Variants in ARAP2 observed in about 807,000 individuals in gnomAD.
The protein encoded by ARAP2 is ArfGAP with RhoGAP domain, ankyrin repeat and PH domain 2.
In ARAP2, 148 loss-of-function variants were observed where a neutral mutation model predicts 194.5. The ratio of observed to expected loss-of-function variants is 0.76; its 90% CI spans 0.67 to 0.87. The LOEUF is 0.87. ARAP2 is among the 40% of genes least tolerant of loss of function. The pLI is 0.00. For missense variants in ARAP2, 2,128 were observed against 1,989.7 expected (o/e 1.07, Z -1.32); for synonymous variants, 695 against 683.5 (o/e 1.02, Z -0.26).
chr4:36,243,130 T>C (rs933570406), intron 1 of ARAP2, among the ~76,000 whole-genome samples: 1 of 152,090 alleles, frequency 6.6e-6, no homozygotes, highest in African/African-American at 2.4e-5. Context: ...TCTCTTTTTT[T>C]CCTTAAAAAA....
chr4:36,040,757 T>C (rs1354225404), intron 5 of ARAP2, among the ~76,000 whole-genome samples: 1 of 152,216 alleles, frequency 6.6e-6, no homozygotes, highest in Admixed American at 6.5e-5. Flanking sequence ...ACGGGGTTTC[T>C]AGATAGGAAA....
intron 21 of ARAP2, among the ~76,000 whole-genome samples, chr4:36,127,687 G>C (rs538880897): frequency 1.3e-5 from 2 of 151,930 alleles, no homozygotes; most frequent in Non-Finnish European, 2.9e-5. Flanking sequence ...TCAAAAGTAA[G>C]TTTTAAAACC....
intron 1 of ARAP2, among the ~76,000 whole-genome samples, chr4:36,231,537 A>C (rs1206309774): frequency 2.0e-5 from 3 of 152,202 alleles, no homozygotes; most frequent in African/African-American, 7.2e-5. Context: ...TAATGTATTC[A>C]GCCACTTTAG....
At chr4:36,032,307 C>G (rs528103664) in intron 5 of ARAP2, among the ~76,000 whole-genome samples, 3 of 152,282 alleles carry the variant, frequency 2.0e-5, no homozygotes, top group African/African-American at 4.8e-5. Context: ...AGGCCAAGGT[C>G]AAGGCCTAGT....
intron 5 of ARAP2, among the ~76,000 whole-genome samples, chr4:36,039,321 C>T (rs1365373452): frequency 2.0e-5 from 3 of 152,198 alleles, no homozygotes; most frequent in African/African-American, 2.4e-5. Context: ...TACATCTCTT[C>T]CACATTCTGC....
intron 6 of ARAP2, among the ~76,000 whole-genome samples, chr4:36,203,212 T>G (rs983384544): frequency 3.3e-5 from 5 of 152,146 alleles, no homozygotes; most frequent in African/African-American, 1.2e-4. Flanking sequence ...CATGGCTATA[T>G]TAAAGCAGAG....
At chr4:36,145,338 TACACA>T in intron 19 of ARAP2, among the ~76,000 whole-genome samples, 1 of 152,170 alleles carries the variant, frequency 6.6e-6, no homozygotes, top group East Asian at 1.9e-4. Context: ...CATGGAATAC[TACACA>T]ACCATAAATA....
At chr4:36,161,271 A>G (rs542889991) in intron 12 of ARAP2, among the ~76,000 whole-genome samples, 194 bp downstream of exon 12, 1 of 152,234 alleles carries the variant, frequency 6.6e-6, no homozygotes, top group Admixed American at 6.5e-5. Context: ...TTTTAAAATA[A>G]CTATCTCATT....
chr4:36,169,242 G>T (rs1399091152), intron 9 of ARAP2, among the ~76,000 whole-genome samples: 1 of 152,192 alleles, frequency 6.6e-6, no homozygotes, highest in African/African-American at 2.4e-5. Context: ...TTTGACAAAA[G>T]CTGTGTATCA....
intron 27 of ARAP2, among the ~76,000 whole-genome samples, chr4:36,098,906 GT>G (rs760969225): frequency 3.3e-5 from 5 of 151,894 alleles, no homozygotes; most frequent in Non-Finnish European, 7.4e-5. Context: ...CAACATTTAA[GT>G]TCTGGGGTAC....
At chr4:36,065,122 C>T (rs144921304), downstream of ARAP2, 6 of 268,320 alleles carry the variant, frequency 2.2e-5, no homozygotes, top group Non-Finnish European at 4.7e-5. Flanking sequence ...ACGTGAGCTC[C>T]AATGACTTCT....
intron 5 of ARAP2, among the ~76,000 whole-genome samples, chr4:36,037,836 A>T (rs952323160): frequency 2.6e-5 from 4 of 152,176 alleles, no homozygotes; most frequent in African/African-American, 9.7e-5. Flanking sequence ...GTGATTGTGA[A>T]TCTCTCACTT....
At chr4:36,170,167 A>G (rs1435078472) in intron 9 of ARAP2, among the ~76,000 whole-genome samples, 1 of 152,212 alleles carries the variant, frequency 6.6e-6, no homozygotes, top group Non-Finnish European at 1.5e-5. Context: ...TAATTTCCAA[A>G]AACAAAAGTA....
In ARAP2 at chr4:36,230,617, T is replaced by C. The variant is rs537845439; in HGVS notation, c.-159-972A>G. 2.6e-5 allele frequency among the ~76,000 whole-genome samples: 4 copies of C among 152,348 alleles called. No individual in the cohort carries two copies. The South Asian group carries it at 6.2e-4, about 24-fold the overall frequency. On this transcript the variant is annotated intron_variant, in intron 1 of 32. Coordinates refer to ENST00000303965, the MANE Select transcript of ARAP2 (RefSeq NM_015230.4). ...AGTCCATTTTTCCAGATGCTAATTA[T>C]ACAGGTGTGTTCAGTTTATGAAAAT...
chr4:36,163,529 A>AT (rs1209340923), intron 11 of ARAP2, among the ~76,000 whole-genome samples: 1 of 152,032 alleles, frequency 6.6e-6, no homozygotes, highest in East Asian at 1.9e-4. Context: ...AGTTAAAGGA[A>AT]TGAAAAAAAA....
At chr4:36,161,629 A>AT (rs1733975957) in intron 11 of ARAP2, 79 bp from the exon 12 acceptor site, 1 of 1,117,038 alleles carries the variant, frequency 9.0e-7, no homozygotes, top group Admixed American at 1.8e-5. Context: ...GAAAGTGCAT[A>AT]TGTCTGTGTA....
chr4:36,178,129 T>C (rs1738407932), intron 8 of ARAP2, 124 bp from the exon 9 acceptor site: 2 of 795,086 alleles, frequency 2.5e-6, no homozygotes, highest in Non-Finnish European at 3.8e-6. Context: ...ACAACCACAA[T>C]CTAAATGCTA....
Position 36,147,325 on chromosome 4 carries a change from C to T in ARAP2, c.3234G>A (p.Leu1078=). 2 of 1,612,884 alleles carry T rather than the reference C, an allele frequency of 1.2e-6. No homozygotes were observed. The highest frequency in any genetic ancestry group is 1.7e-6 in the Non-Finnish European group (2 of 1,179,232). The part of the protein sequence containing the change: ...ISTMVQNGEK[L]DVLLLVEKGR... The stretch of plus-strand genomic sequence containing the variant: ...CTTTTTCTACCAAGAGTAAAACATC[C>T]AGTTTTTCCCCATTTTGAACCATTG... The change falls in exon 19 of 33, where the codon CTG becomes CTA. Residue 1078 remains leucine (L), a synonymous_variant. Coordinates refer to ENST00000303965, the MANE Select transcript of ARAP2 (RefSeq NM_015230.4).
At chr4:36,101,388 G>C (rs1023818942) in intron 27 of ARAP2, among the ~76,000 whole-genome samples, 2 of 56,242 alleles carry the variant, frequency 3.6e-5, no homozygotes, top group Admixed American at 4.2e-4. Flanking sequence ...TAATACAAAA[G>C]TACCAGAGTT....
Sources: allele counts gnomAD v4.1 joint callset (sites outside exome capture counted in the v4.1 genomes callset), GRCh38; gene constraint gnomAD v4.1.1; transcripts MANE v1.5; gene names NCBI Gene and HGNC (gene_info 2026-07-23, HGNC 2026-07-21).